PLCXD1: variants seen among roughly 807,000 people sequenced by gnomAD.
The protein encoded by PLCXD1 is phosphatidylinositol specific phospholipase C X domain containing 1, also known as PI-PLC X domain-containing protein 1.
Under a neutral mutation model 37.8 loss-of-function variants are expected in PLCXD1, and 45 were observed. That is an observed-to-expected ratio of 1.19 (90% confidence interval 0.94 to 1.53). The LOEUF (loss-of-function observed/expected upper bound fraction) is 1.53, where lower values mean the gene tolerates loss of function less well. Ranked by LOEUF, PLCXD1 falls within the 40% of genes most tolerant of loss-of-function variation. The probability of loss-of-function intolerance (pLI) is 0.00; values close to 1 mark genes in which losing one functional copy is unlikely to be tolerated. For missense variants in PLCXD1, 539 were observed against 454.7 expected (o/e 1.19, Z -1.69); for synonymous variants, 246 against 206.9 (o/e 1.19, Z -1.62).
chrX:293,258 C>T, intron 6 of PLCXD1, 40 bp downstream of exon 6: 1 of 1,521,506 alleles, frequency 6.6e-7, no homozygotes, highest in East Asian at 2.3e-5. Context: ...TCCACACAGC[C>T]TCCCGTGACG....
Position 284,296 on chromosome X carries a change from C to G in PLCXD1, c.109C>G (p.His37Asp). ...TCCCCGGCTCTGGGATGTGCCCCTC[C>G]ACCACCTCTCCATCCCAGGTGAGGT... is the stretch of plus-strand genomic sequence containing the variant. ...LCPRLWDVPL[H>D]HLSIPGSHDT... The change falls in exon 2 of 7, where the codon CAC (histidine) becomes GAC (aspartate). Residue 37 changes from histidine to aspartate, a missense_variant. Transcript: ENST00000381657. The G allele has an allele frequency of 1.9e-6, 3 of 1,613,334 alleles. No homozygotes were observed. Among genetic ancestry groups the G allele is most frequent in the Non-Finnish European group, 2.5e-6 (3 of 1,179,844 alleles).
intron 3 of PLCXD1, 42 bp from the exon 4 acceptor site, chrX:290,606 G>T (rs372253521): frequency 1.9e-6 from 3 of 1,609,550 alleles, no homozygotes; most frequent in African/African-American, 1.3e-5. Flanking sequence ...CCCCAGACGC[G>T]GCGCTCAGCC....
intron 4 of PLCXD1, among the ~76,000 whole-genome samples, chrX:291,018 C>T (rs749459630): frequency 1.3e-5 from 2 of 151,382 alleles, no homozygotes; most frequent in African/African-American, 4.9e-5. Flanking sequence ...GCCAAGCTCC[C>T]GTGGGGATGA....
chrX:297,827 G>C (rs868864127), intron 6 of PLCXD1, among the ~76,000 whole-genome samples: 808 of 24,402 alleles, frequency 0.033, no homozygotes, highest in Middle Eastern at 0.05. Flanking sequence ...ATGGGGATTA[G>C]GACGTGGACA....
At chrX:287,343 T>A (rs1457007039) in intron 2 of PLCXD1, among the ~76,000 whole-genome samples, 1 of 143,946 alleles carries the variant, frequency 6.9e-6, no homozygotes, top group Non-Finnish European at 1.5e-5. Flanking sequence ...ACATAATATG[T>A]GGATATATAT....
intron 2 of PLCXD1, among the ~76,000 whole-genome samples, chrX:287,963 C>T (rs2069510344): frequency 6.6e-6 from 1 of 151,998 alleles, no homozygotes; most frequent in African/African-American, 2.4e-5. Context: ...AAGATATGGG[C>T]AGGACCACAC....
rs1229642238 is a variant in PLCXD1, at chrX:301,889, G to C, written c.*2554G>C. Reference sequence around the variant, plus strand: ...GATCCATCCGCATTGGCCTCCCAAAGTGCTGGGATCACAGGCGTGAGCCAC... The same window carrying C: ...GATCCATCCGCATTGGCCTCCCAAACTGCTGGGATCACAGGCGTGAGCCAC... On this transcript the variant is annotated 3_prime_UTR_variant, in exon 7 of 7. Coordinates refer to ENST00000381657, the MANE Select transcript of PLCXD1 (RefSeq NM_018390.4). The C allele has an allele frequency of 6.6e-6, 1 of 152,298 alleles. No individual in the cohort carries two copies. The highest frequency in any genetic ancestry group is 2.4e-5 in the African/African-American group (1 of 41,444). The allele number at this position is 152,298 out of a possible 1,614,324, so 9.4% of individuals were successfully genotyped here.
At chrX:287,741 AAT>A (rs1269268024) in intron 2 of PLCXD1, among the ~76,000 whole-genome samples, 1 of 143,472 alleles carries the variant, frequency 7.0e-6, no homozygotes, top group Non-Finnish European at 1.5e-5. Context: ...ATATATCTTA[AAT>A]ATATATATCT....
chrX:277,084 C>T (rs767727777), upstream of PLCXD1, among the ~76,000 whole-genome samples: 1 of 152,268 alleles, frequency 6.6e-6, no homozygotes, highest in South Asian at 2.1e-4. Context: ...GGCCTCCAGA[C>T]CCCACTCCGC....
At position 298,686 on chromosome X, in the gene PLCXD1, TTCTG is replaced by T. The variant is rs201261201; in HGVS notation, c.734-407_734-404del. Reference sequence around the variant, plus strand: ...GACGTGGACATCTTTGGGGACATTATTCTGTCTATCACATGGGGATCAGGACGTG... The same window carrying T: ...GACGTGGACATCTTTGGGGACATTATTCTATCACATGGGGATCAGGACGTG... On this transcript the variant is annotated intron_variant, in intron 6 of 6. Coordinates refer to ENST00000381657, the MANE Select transcript of PLCXD1 (RefSeq NM_018390.4). 8.7e-3 allele frequency among the ~76,000 whole-genome samples: 470 copies of T among 53,926 alleles called. 118 individuals are homozygous for T. The highest frequency in any genetic ancestry group is 0.012 in the Non-Finnish European group (388 of 31,062). 35.4% of individuals were successfully genotyped at this position (53,926 alleles called of 152,430 possible). A position where few individuals can be genotyped will look rare whatever the true frequency, so the allele number is the denominator to read the frequency against.
At chrX:292,138 A>G (rs1401438233) in intron 5 of PLCXD1, among the ~76,000 whole-genome samples, 3 of 149,330 alleles carry the variant, frequency 2.0e-5, no homozygotes, top group Non-Finnish European at 4.4e-5. Flanking sequence ...CGTCTCTACT[A>G]AAAATACCAA....
At chrX:287,419 A>G (rs1251117490) in intron 2 of PLCXD1, among the ~76,000 whole-genome samples, 1 of 142,184 alleles carries the variant, frequency 7.0e-6, no homozygotes, top group Non-Finnish European at 1.5e-5. Flanking sequence ...ATACTAATAT[A>G]TGTTTATATA....
chrX:279,129 G>T (rs2069211210), upstream of PLCXD1, among the ~76,000 whole-genome samples: 1 of 152,204 alleles, frequency 6.6e-6, no homozygotes, highest in African/African-American at 2.4e-5. Context: ...GTGGTGCACA[G>T]ATCATAAGAC....
chrX:290,498 C>T (rs1195270778), intron 3 of PLCXD1, 150 bp from the exon 4 acceptor site: 17 of 724,876 alleles, frequency 2.3e-5, no homozygotes, highest in African/African-American at 1.1e-4. Context: ...GTGGCTGCAG[C>T]GCTCCCAGCA....
Position 287,931 on chromosome X carries a change from C to G in PLCXD1, c.128-802C>G, listed in dbSNP as rs141178113. Among the ~76,000 whole-genome samples the G allele has an allele frequency of 1.4e-3, 213 of 152,130 alleles. 1 individual carries two copies. Among genetic ancestry groups the G allele is most frequent in the African/African-American group, 4.9e-3 (204 of 41,520 alleles). ...AACAGAAATTTACTCTCTCCCAGTT[C>G]TAGATACAGAAATCTGAAGTCAAGA... is the stretch of plus-strand genomic sequence containing the variant. On this transcript the variant is annotated intron_variant, in intron 2 of 6. Transcript: ENST00000381657.
In PLCXD1 at chrX:300,504, GTATA is replaced by G. The variant is rs767487319; in HGVS notation, c.*1171_*1174del. 2.0e-5 allele frequency: 3 copies of G among 148,562 alleles called. No homozygotes were observed. Among genetic ancestry groups the G allele is most frequent in the Non-Finnish European group, 1.5e-5 (1 of 67,858 alleles). The allele number at this position is 148,562 out of a possible 1,614,324, so 9.2% of individuals were successfully genotyped here. ...TATATGTGTGTATGTGTGTATATATGTATATGTGTGCATATGTGTATACGTGTAT... is the reference window on the plus strand; with the variant it reads ...TATATGTGTGTATGTGTGTATATATGTGTGTGCATATGTGTATACGTGTAT... On this transcript the variant is annotated 3_prime_UTR_variant, in exon 7 of 7. Transcript: ENST00000381657.
chrX:293,782 C>G (rs144416094), intron 6 of PLCXD1, among the ~76,000 whole-genome samples: 7 of 152,132 alleles, frequency 4.6e-5, no homozygotes, highest in Non-Finnish European at 8.8e-5. Flanking sequence ...CAAAAGGACA[C>G]GTAGTGTGTG....
At chrX:291,796 CCCGCAGTGTGG>C in intron 5 of PLCXD1, 142 bp downstream of exon 5, 1 of 938,328 alleles carries the variant, frequency 1.1e-6, no homozygotes. Flanking sequence ...TGCCTGCTCT[CCCGCAGTGTGG>C]GGGGCCCTGG....
At chrX:285,115 CACATGCATGCGCACACACAT>C (rs1158859638) in intron 2 of PLCXD1, among the ~76,000 whole-genome samples, 1 of 114,794 alleles carries the variant, frequency 8.7e-6, no homozygotes, top group African/African-American at 3.6e-5. Context: ...CATACACACA[CACATGCATGCGCACACACAT>C]ACATGCATGC....
Sources: allele counts gnomAD v4.1 joint callset (sites outside exome capture counted in the v4.1 genomes callset), GRCh38; gene constraint gnomAD v4.1.1; transcripts MANE v1.5; gene names NCBI Gene and HGNC (gene_info 2026-07-23, HGNC 2026-07-21).